The following SLC49A3 variants were observed in gnomAD, a reference collection of about 807,000 sequenced individuals.
The protein encoded by SLC49A3 is solute carrier family 49 member 3, also known as solute carrier family 49 member A3.
A neutral mutation model predicts 43.8 loss-of-function variants in SLC49A3; 50 were observed. The observed-to-expected ratio is 1.14, with a 90% confidence interval of 0.91 to 1.45. SLC49A3 has a LOEUF of 1.45. Among genes scored for constraint, SLC49A3 ranks in the 40% most tolerant of loss-of-function variants. The pLI is 0.00. For synonymous variants in SLC49A3, 413 were observed against 352.0 expected, an observed-to-expected ratio of 1.17 and a Z score of -1.94; for missense variants, 906 against 774.1, an observed-to-expected ratio of 1.17 and a Z score of -2.02.
intron 1 of SLC49A3, 84 bp from the exon 2 acceptor site, chr4:686,774 A>G: frequency 6.6e-7 from 1 of 1,517,478 alleles, no homozygotes; most frequent in Non-Finnish European, 8.9e-7. Context: ...AGGGGGTCAG[A>G]GTGCCAGCAG....
chr4:679,000 A>G (rs1420226273), downstream of SLC49A3: 5 of 1,613,664 alleles, frequency 3.1e-6, no homozygotes, highest in African/African-American at 2.7e-5. Flanking sequence ...CTTCATTGAC[A>G]AGGAGGACCT....
At chr4:680,231 G>C (rs1254617094), downstream of SLC49A3, among the ~76,000 whole-genome samples, 1 of 152,078 alleles carries the variant, frequency 6.6e-6, no homozygotes, top group African/African-American at 2.4e-5. Context: ...ACCCGCCGTC[G>C]ACACCTCTGT....
chr4:677,567 G>C (rs1738973315), downstream of SLC49A3, among the ~76,000 whole-genome samples: 3 of 152,126 alleles, frequency 2.0e-5, no homozygotes, highest in African/African-American at 7.2e-5. Context: ...GGACACCCCT[G>C]ACAGACAGAG....
downstream of SLC49A3, chr4:678,474 C>A: frequency 7.0e-7 from 1 of 1,433,318 alleles, no homozygotes; most frequent in Non-Finnish European, 9.1e-7. Context: ...ACACCTGCAG[C>A]CGTCCTGCCC....
At chr4:681,680 G>A (rs1320667218), downstream of SLC49A3, 1 of 15,664 alleles carries the variant, frequency 6.4e-5, no homozygotes, top group Admixed American at 6.4e-4. Context: ...CTCCAGCGCC[G>A]CCCCGCCCCC....
At chr4:690,145 C>T (rs1741758074), upstream of SLC49A3, among the ~76,000 whole-genome samples, 1 of 152,172 alleles carries the variant, frequency 6.6e-6, no homozygotes, top group Non-Finnish European at 1.5e-5. Flanking sequence ...AATGATGAGG[C>T]CCCAGCTTTC....
At chr4:680,516 C>T (rs781187589), downstream of SLC49A3, 12 of 1,613,210 alleles carry the variant, frequency 7.4e-6, no homozygotes, top group Admixed American at 3.3e-5. Flanking sequence ...CAGGTACCGA[C>T]GCCGAGGAGA....
At chr4:677,731 T>A (rs1363967257), downstream of SLC49A3, among the ~76,000 whole-genome samples, 1 of 152,016 alleles carries the variant, frequency 6.6e-6, no homozygotes, top group African/African-American at 2.4e-5. Flanking sequence ...ACACACAGAA[T>A]CCTTGGGAGA....
Position 685,999 on chromosome 4 carries a change from C to A in SLC49A3, c.509-88G>T, listed in dbSNP as rs952565106. ...GGCAGAACCTTCCGGGCCCCAGCTC[C>A]TCCACCCTGGCCAGAGAGCCTGGGG... On this transcript the variant is annotated intron_variant, in intron 3 of 9. Coordinates refer to ENST00000322224, the MANE Select transcript of SLC49A3 (RefSeq NM_032219.4). The surrounding 1 kb of genome is among the most constrained non-coding windows in gnomAD (Gnocchi z 4.3). 1 of 1,607,850 alleles carries A rather than the reference C, an allele frequency of 6.2e-7. No individual in the cohort carries two copies. The highest frequency in any genetic ancestry group is 1.1e-5 in the South Asian group (1 of 90,442).
chr4:686,651 CA>C lies in SLC49A3; in HGVS notation c.174del (p.Glu59ArgfsTer47). ...LSFAPVADVI[A>X]EDLVLSMEQI... The stretch of plus-strand genomic sequence containing the variant: ...TGCTCCATGGACAGGACCAAGTCCT[CA>C]GCAATGACGTCAGCCACAGGTGCAA... On this transcript the variant is annotated frameshift_variant, in exon 2 of 10. Coordinates refer to ENST00000322224, the MANE Select transcript of SLC49A3 (RefSeq NM_032219.4). LOFTEE classifies it high-confidence loss of function. 1.2e-6 allele frequency: 2 copies of C among 1,613,236 alleles called. No individual in the cohort carries two copies. The highest frequency in any genetic ancestry group is 2.7e-5 in the African/African-American group (2 of 75,064).
chr4:685,722 G>A lies in SLC49A3; in HGVS notation c.585+113C>T. ...CTCCTTCTCGGGTGGCGGGGCGGGG[G>A]ACGGGAATCACACACGGGCACAGGA... On this transcript the variant is annotated intron_variant, in intron 4 of 9. Coordinates refer to ENST00000322224, the MANE Select transcript of SLC49A3 (RefSeq NM_032219.4). This position sits in a 1 kb window ranked among gnomAD's most constrained non-coding sequence, Gnocchi z 4.3. The A allele has an allele frequency of 1.7e-6, 2 of 1,152,002 alleles. No homozygotes were observed. Among genetic ancestry groups the A allele is most frequent in the Admixed American group, 2.0e-5 (1 of 49,030 alleles). The allele number at this position is 1,152,002 out of a possible 1,614,324, so 71.4% of individuals were successfully genotyped here.
downstream of SLC49A3, chr4:678,136 A>G (rs1739038942): frequency 1.2e-5 from 18 of 1,559,378 alleles, no homozygotes; most frequent in South Asian, 1.9e-4. Context: ...CTTGCGTGTG[A>G]ATGCAGGTGT....
upstream of SLC49A3, among the ~76,000 whole-genome samples, chr4:689,921 G>A (rs1741734970): frequency 6.6e-6 from 1 of 152,248 alleles, no homozygotes; most frequent in African/African-American, 2.4e-5. Context: ...GGGAACCCAA[G>A]AGGCTCCAGG....
chr4:689,066 C>A lies in SLC49A3; in HGVS notation c.62G>T (p.Arg21Leu), dbSNP rs1424882109. ...GCGGCGCGCGTAGGTGCGGTGGCCC[C>A]GCTGCGCGCACAGGGCCCGGGGCTC... is the stretch of plus-strand genomic sequence containing the variant. Reference protein sequence around the residue: ...LAEPRALCAQRGHRTYARRWV... With the variant: ...LAEPRALCAQLGHRTYARRWV... The change falls in exon 1 of 10, where the codon CGG (arginine) becomes CTG (leucine). Residue 21 changes from arginine (R) to leucine (L), a missense_variant. Arg to Leu is a moderately radical substitution (Grantham distance 102). Coordinates refer to ENST00000322224, the MANE Select transcript of SLC49A3 (RefSeq NM_032219.4). The A allele has an allele frequency of 1.3e-6, 2 of 1,573,484 alleles. No individual in the cohort carries two copies. The highest frequency in any genetic ancestry group is 2.5e-5 in the East Asian group (1 of 39,774).
rs1211193818 is a variant in SLC49A3, at chr4:686,087, A to G, written c.508+2T>C. ...CAGGCGGCCTCCCTCCCCGGAACTC[A>G]CACATGGTGGCGAGCATGTTGGCCG... On this transcript the variant is annotated splice_donor_variant, in intron 3 of 9. Coordinates refer to ENST00000322224, the MANE Select transcript of SLC49A3 (RefSeq NM_032219.4). LOFTEE classifies it high-confidence loss of function. 1 of 1,612,858 alleles carries G rather than the reference A, an allele frequency of 6.2e-7. No homozygotes were observed. Among genetic ancestry groups the G allele is most frequent in the African/African-American group, 1.3e-5 (1 of 74,886 alleles).
Position 682,351 on chromosome 4 carries a change from C to G in SLC49A3, c.1287G>C (p.Leu429=). The change falls in exon 10 of 10, where the codon CTG becomes CTC. Residue 429 remains leucine (L), a synonymous_variant. Transcript: ENST00000322224. ...CCAGGATGCAGCTGAAGAAGGTGCA[C>G]AGGCCGGCCATCAGCAGCAGAGACA... ...WTVSLLLMAG[L]CTFFSCILAV... The G allele has an allele frequency of 3.7e-6, 5 of 1,341,862 alleles. No homozygotes were observed. Among genetic ancestry groups the G allele is most frequent in the Non-Finnish European group, 4.8e-6 (5 of 1,036,668 alleles). The allele number at this position is 1,341,862 out of a possible 1,614,324, so 83.1% of individuals were successfully genotyped here. A position where few individuals can be genotyped will look rare whatever the true frequency, so the allele number is the denominator to read the frequency against.
chr4:681,204 G>C, downstream of SLC49A3: 1 of 1,554,660 alleles, frequency 6.4e-7, no homozygotes, highest in Non-Finnish European at 8.7e-7. Flanking sequence ...GGTCAGCTGG[G>C]TGGAGGGGGA....
chr4:680,813 A>C (rs1560155519), downstream of SLC49A3: 2 of 632,326 alleles, frequency 3.2e-6, no homozygotes, highest in Non-Finnish European at 5.5e-6. Context: ...GCTTCCCCTC[A>C]GCCCACTCCT....
In SLC49A3 at chr4:685,061, G is replaced by A; in HGVS notation, c.586-205C>T. On this transcript the variant is annotated intron_variant, in intron 4 of 9. Coordinates refer to ENST00000322224, the MANE Select transcript of SLC49A3 (RefSeq NM_032219.4). The surrounding 1 kb of genome is among the most constrained non-coding windows in gnomAD (Gnocchi z 4.3). ...CTCATGGGGACCCCTGGCTGTCAAC[G>A]CATCCCTCACCAGTGACACCCTCCT... 3.2e-6 allele frequency: 2 copies of A among 618,022 alleles called. No individual in the cohort carries two copies. Among genetic ancestry groups the A allele is most frequent in the East Asian group, 3.0e-5 (1 of 33,508 alleles). 38.3% of individuals were successfully genotyped at this position (618,022 alleles called of 1,614,324 possible). A position where few individuals can be genotyped will look rare whatever the true frequency, so the allele number is the denominator to read the frequency against.
Sources: gnomAD v4.1 joint callset for allele counts (sites outside exome capture counted in the v4.1 genomes callset) on GRCh38, gnomAD v4.1.1 for gene constraint, Gnocchi (gnomAD v3.1) non-coding constraint, MANE v1.5 for transcripts, NCBI Gene and HGNC (gene_info 2026-07-23, HGNC 2026-07-21) for gene names.